GK: variants seen among roughly 807,000 people sequenced by gnomAD.
GK encodes the protein glycerol kinase.
A neutral mutation model predicts 56.4 loss-of-function variants in GK; 9 were observed. The ratio of observed to expected loss-of-function variants is 0.16; its 90% confidence interval spans 0.10 to 0.28. The LOEUF is 0.28. Ranked by LOEUF, GK falls within the 10% of genes least tolerant of loss-of-function variation. GK has a pLI of 1.00. For synonymous variants in GK, 104 were observed against 144.1 expected (o/e 0.72, Z 1.99); for missense variants, 161 against 431.4 (o/e 0.37, Z 5.55).
chrX:30,677,360 A>T lies in GK; in HGVS notation c.260-15A>T. ...TAAATTTTTGACTTCCTTCTGTTTA[A>T]CTTTCTCTTTAAAGCTATTGGTGTC... On this transcript the variant is annotated splice_polypyrimidine_tract_variant and intron_variant, in intron 3 of 20. Transcript: ENST00000427190. 1 of 1,047,094 alleles carries T rather than the reference A, an allele frequency of 9.6e-7. No individual in the cohort carries two copies. Among genetic ancestry groups the T allele is most frequent in the Non-Finnish European group, 1.3e-6 (1 of 745,140 alleles). The allele number at this position is 1,047,094 out of a possible 1,213,427, so 86.3% of individuals were successfully genotyped here.
chrX:30,677,465 G>T lies in GK; in HGVS notation c.337+13G>T. The stretch of plus-strand genomic sequence containing the variant: ...TACAATGCTGTGGGTAAGCTGTCAT[G>T]CATGGATGTCAAATGTAGGGCCTTT... On this transcript the variant is annotated intron_variant, in intron 4 of 20. Coordinates refer to ENST00000427190, the MANE Select transcript of GK (RefSeq NM_001205019.2). 1.1e-6 allele frequency: 1 copy of T among 946,195 alleles called. No homozygotes were observed. The highest frequency in any genetic ancestry group is 1.5e-6 in the Non-Finnish European group (1 of 652,601). The allele number at this position is 946,195 out of a possible 1,213,427, so 78.0% of individuals were successfully genotyped here. A position where few individuals can be genotyped will look rare whatever the true frequency, so the allele number is the denominator to read the frequency against.
chrX:30,664,014 ATATATC>A (rs1932876971), intron 1 of GK, among the ~76,000 whole-genome samples: 1 of 92,136 alleles, frequency 1.1e-5, no homozygotes, highest in Non-Finnish European at 2.1e-5. Context: ...TATATTTTAT[ATATATC>A]TATATATATT....
At chrX:30,671,291 C>CA (rs56822779) in intron 3 of GK, among the ~76,000 whole-genome samples, 2,468 of 26,265 alleles carry the variant, frequency 0.094, 213 homozygotes, top group African/African-American at 0.23. Flanking sequence ...AACTCCATCT[C>CA]AAAAAAAAAA....
chrX:30,710,263 G>C (rs1193892385), intron 13 of GK, among the ~76,000 whole-genome samples: 1 of 111,339 alleles, frequency 9.0e-6, no homozygotes, highest in Non-Finnish European at 1.9e-5. Context: ...TTCCTTCCTT[G>C]TAAGTCTGAA....
chrX:30,696,822 A>T (rs1437617779), intron 8 of GK, 139 bp downstream of exon 8: 1 of 509,491 alleles, frequency 2.0e-6, no homozygotes, highest in Non-Finnish European at 3.4e-6. Context: ...ATGTTTTGTG[A>T]CTTAAAAACT....
At chrX:30,675,797 T>A in intron 3 of GK, among the ~76,000 whole-genome samples, 1 of 106,527 alleles carries the variant, frequency 9.4e-6, no homozygotes, top group Admixed American at 1.0e-4. Context: ...ACCTGGCTAA[T>A]TTTTTTTTTT....
chrX:30,668,211 G>T, intron 3 of GK, 93 bp downstream of exon 3: 1 of 554,670 alleles, frequency 1.8e-6, no homozygotes, highest in Admixed American at 2.7e-5. Context: ...TGCCTATGCA[G>T]TGCCAAGCAT....
chrX:30,726,935 A>G (rs755376211), intron 19 of GK, among the ~76,000 whole-genome samples: 8 of 112,345 alleles, frequency 7.1e-5, no homozygotes, highest in Admixed American at 4.7e-4. Flanking sequence ...CATACTTTTC[A>G]TATGTGTTTA....
intron 4 of GK, among the ~76,000 whole-genome samples, chrX:30,680,232 G>C (rs1032935898): frequency 1.8e-5 from 2 of 111,249 alleles, no homozygotes; most frequent in African/African-American, 6.5e-5. Context: ...TATTACTTTG[G>C]GATTGTGCTA....
At chrX:30,728,320 C>T (rs1432125392) in intron 20 of GK, among the ~76,000 whole-genome samples, 2 of 76,607 alleles carry the variant, frequency 2.6e-5, no homozygotes, top group Non-Finnish European at 5.2e-5. Flanking sequence ...TCTGTATGTT[C>T]CCATGAAAGT....
intron 13 of GK, among the ~76,000 whole-genome samples, chrX:30,717,876 A>G (rs1406402605): frequency 9.0e-6 from 1 of 111,387 alleles, no homozygotes. Context: ...ATAGGTGAAG[A>G]AATGGAGGCT....
chrX:30,663,982 A>C (rs191158499), intron 1 of GK, among the ~76,000 whole-genome samples: 3,451 of 92,541 alleles, frequency 0.037, 156 homozygotes, highest in Middle Eastern at 0.058. Context: ...TTTTATATAT[A>C]TCTATATATA....
rs1055179529 is a variant in GK, at chrX:30,689,976, G to A, written c.338-1147G>A. On this transcript the variant is annotated intron_variant, in intron 4 of 20. Coordinates refer to ENST00000427190, the MANE Select transcript of GK (RefSeq NM_001205019.2). ...ACAGAAACCCGTATCTTGTCCTGAA[G>A]TCCCCAGTTTAAGTCTTGTGGAAAG... Among the ~76,000 whole-genome samples the A allele has an allele frequency of 5.8e-4, 65 of 111,592 alleles. 1 individual carries two copies. Among genetic ancestry groups the A allele is most frequent in the Non-Finnish European group, 1.3e-4 (7 of 53,174 alleles).
intron 4 of GK, chrX:30,678,074 C>T: frequency 3.8e-6 from 2 of 525,025 alleles, no homozygotes; most frequent in Non-Finnish European, 7.0e-6. Context: ...GATCTTACCT[C>T]CTTACCCTCA....
chrX:30,676,959 A>T (rs941686317), intron 3 of GK, among the ~76,000 whole-genome samples: 1 of 112,079 alleles, frequency 8.9e-6, no homozygotes, highest in Middle Eastern at 4.7e-3. Context: ...ACACACACAC[A>T]CACAAATGCA....
At position 30,728,739 on chromosome X, in the gene GK, A is replaced by G; in HGVS notation, c.1677A>G (p.Pro559=). ...LIGARYISGI[P] ...TTTTGTTCCCCATTTCAGGTATTCC[A>G]TAAAACCTACCAACTCATGGATTCC... Residue 559 remains proline (P), a synonymous_variant, in exon 21 of 21, where the codon CCA becomes CCG. Coordinates refer to ENST00000427190, the MANE Select transcript of GK (RefSeq NM_001205019.2). 4 of 1,163,885 alleles carry G rather than the reference A, an allele frequency of 3.4e-6. No individual in the cohort carries two copies. The highest frequency in any genetic ancestry group is 1.8e-5 in the South Asian group (1 of 55,957).
At chrX:30,684,648 A>G (rs1230614842) in intron 4 of GK, among the ~76,000 whole-genome samples, 1 of 86,640 alleles carries the variant, frequency 1.2e-5, no homozygotes, top group Non-Finnish European at 2.2e-5. Context: ...CCTGGGCAAC[A>G]AGAGCAAAAC....
chrX:30,693,050 T>A (rs1371509515), intron 5 of GK, among the ~76,000 whole-genome samples: 1 of 91,732 alleles, frequency 1.1e-5, no homozygotes, highest in African/African-American at 4.0e-5. Context: ...GGAGTCTCGC[T>A]CTGTCACCCA....
At chrX:30,701,627 G>T (rs1935670172) in intron 11 of GK, among the ~76,000 whole-genome samples, 1 of 111,924 alleles carries the variant, frequency 8.9e-6, no homozygotes, top group African/African-American at 3.2e-5. Flanking sequence ...GATTTTCAAG[G>T]TTATTTTCCT....
Sources: allele counts gnomAD v4.1 joint callset (sites outside exome capture counted in the v4.1 genomes callset), GRCh38; gene constraint gnomAD v4.1.1; transcripts MANE v1.5; gene names NCBI Gene and HGNC (gene_info 2026-07-23, HGNC 2026-07-21).